CTSG: variants seen among roughly 807,000 people sequenced by gnomAD.
CTSG encodes cathepsin G.
In CTSG, 23 loss-of-function variants were observed where a neutral mutation model predicts 23.0. The ratio of observed to expected loss-of-function variants is 1.00; its 90% CI spans 0.72 to 1.42. The LOEUF (loss-of-function observed/expected upper bound fraction) is 1.42, where lower values mean the gene tolerates loss of function less well. CTSG is among the 40% of genes most tolerant of loss of function. The probability of loss-of-function intolerance (pLI) is 0.00; values close to 1 mark genes in which losing one functional copy is unlikely to be tolerated. For missense variants in CTSG, 312 were observed against 326.2 expected, an observed-to-expected ratio of 0.96 and a Z score of 0.33; for synonymous variants, 140 against 130.4, an observed-to-expected ratio of 1.07 and a Z score of -0.50.
intron 1 of CTSG, 88 bp downstream of exon 1, chr14:24,576,081 C>T: frequency 1.9e-6 from 2 of 1,044,390 alleles, no homozygotes; most frequent in Non-Finnish European, 1.5e-6. Flanking sequence ...ACTTGCTCAA[C>T]AGTACAGAAT....
At chr14:24,575,958 G>A (rs1029618028) in intron 1 of CTSG, among the ~76,000 whole-genome samples, 20 of 152,108 alleles carry the variant, frequency 1.3e-4, no homozygotes, top group African/African-American at 4.8e-4. Context: ...TATAGTGTGC[G>A]GGCAATTCCA....
chr14:24,575,047 T>C, intron 2 of CTSG: 1 of 698,604 alleles, frequency 1.4e-6, no homozygotes, highest in East Asian at 2.7e-5. Flanking sequence ...AGTTTATATT[T>C]TGAGCCCCAA....
At chr14:24,574,883 C>G in intron 2 of CTSG, 73 bp from the exon 3 acceptor site, 1 of 1,596,634 alleles carries the variant, frequency 6.3e-7, no homozygotes, top group Non-Finnish European at 8.5e-7. Flanking sequence ...GCAGACAGCA[C>G]GGGGAGGGCA....
Position 24,574,752 on chromosome 14 carries a change from G to C in CTSG, c.262C>G (p.His88Asp). The C allele has an allele frequency of 6.2e-7, 1 of 1,614,178 alleles. No individual in the cohort carries two copies. The highest frequency in any genetic ancestry group is 2.2e-5 in the East Asian group (1 of 44,862). Residue 88 changes from histidine to aspartate, a missense_variant, in exon 3 of 5, where the codon CAC becomes GAC. By Grantham distance (81) the His-to-Asp change is moderately conservative. Coordinates refer to ENST00000216336, the MANE Select transcript of CTSG (RefSeq NM_001911.3). ...CGGATGGCTCTGCGCGCAGTGATGT[G>C]TTGCTGGGTGTTTTCCCGTCTCTGG... ...NIQRRENTQQ[H>D]ITARRAIRHP... is the part of the protein sequence containing the mutation.
intron 1 of CTSG, 58 bp downstream of exon 1, chr14:24,576,111 T>C (rs1433840211): frequency 1.3e-6 from 2 of 1,494,958 alleles, no homozygotes; most frequent in East Asian, 2.3e-5. Flanking sequence ...CCAAGGCAAT[T>C]TGGCTCAAGA....
chr14:24,574,146 C>T lies in CTSG; in HGVS notation c.594+99G>A. The T allele has an allele frequency of 3.4e-6, 5 of 1,470,362 alleles. No homozygotes were observed. The Admixed American group carries it at 5.7e-5, about 17-fold the overall frequency. The allele number at this position is 1,470,362 out of a possible 1,614,324, so 91.1% of individuals were successfully genotyped here. A position where few individuals can be genotyped will look rare whatever the true frequency, so the allele number is the denominator to read the frequency against. On this transcript the variant is annotated intron_variant, in intron 4 of 4. Transcript: ENST00000216336. ...CAATCCCCAGCCCACCCTGGTCTGG[C>T]TGCCAGGCTGAGGCTGTGGGGATGG...
Position 24,576,175 on chromosome 14 carries a change from C to T in CTSG, c.49G>A (p.Glu17Lys), listed in dbSNP as rs750692624. ...LLAFLLPTGA[E>K]AGEIIGGRES... ...GGTGGGGATGGTCACTCACCTGCCT[C>T]AGCCCCAGTGGGTAGGAGAAAGGCC... The change falls in exon 1 of 5, where the codon GAG (glutamate) becomes AAG (lysine). Residue 17 changes from glutamate (E) to lysine (K), a missense_variant. By Grantham distance (56) the Glu-to-Lys change is moderately conservative. Coordinates refer to ENST00000216336, the MANE Select transcript of CTSG (RefSeq NM_001911.3). The T allele has an allele frequency of 2.5e-6, 4 of 1,610,156 alleles. No homozygotes were observed. The highest frequency in any genetic ancestry group is 1.1e-5 in the South Asian group (1 of 89,724).
Position 24,575,312 on chromosome 14 carries a change from G to A in CTSG, c.156C>T (p.Phe52=). 6.2e-7 allele frequency: 1 copy of A among 1,614,154 alleles called. No homozygotes were observed. The highest frequency in any genetic ancestry group is 1.6e-4 in the Middle Eastern group (1 of 6,062). The part of the protein sequence containing the change: ...SPAGQSRCGG[F]LVREDFVLTA... ...TCAGCACAAAGTCTTCTCGCACCAG[G>A]AACCCTCCACATCTGCTCTGACCTG... The change falls in exon 2 of 5, where the codon TTC becomes TTT. Residue 52 remains phenylalanine, a synonymous_variant. Transcript: ENST00000216336.
rs1231030055 is a variant in CTSG, at chr14:24,574,411, G to A, written c.428C>T (p.Thr143Ile). 3.1e-6 allele frequency: 5 copies of A among 1,613,170 alleles called. No homozygotes were observed. The highest frequency in any genetic ancestry group is 4.2e-6 in the Non-Finnish European group (5 of 1,180,040). Residue 143 changes from threonine to isoleucine, a missense_variant, in exon 4 of 5, where the codon ACT becomes ATT. Transcript: ENST00000216336. The stretch of plus-strand genomic sequence containing the variant: ...GCTGACCCTGCCCCAGCCGGCCACA[G>A]TGCACAGCGTCCCGGGTCTCAGTCC... ...QEGLRPGTLC[T>I]VAGWGRVSMR... is the part of the protein sequence containing the mutation.
rs199634129 is a variant in CTSG, at chr14:24,575,410, C to T, written c.58G>A (p.Glu20Lys). Residue 20 changes from glutamate to lysine, a missense_variant and splice_region_variant, in exon 2 of 5, where the codon GAG (glutamate) becomes AAG (lysine). By Grantham distance (56) the Glu-to-Lys change is moderately conservative (BLOSUM62 1). Coordinates refer to ENST00000216336, the MANE Select transcript of CTSG (RefSeq NM_001911.3). ...CTGCTCTCCCGGCCTCCGATGATCT[C>T]CCCTGGAAGGAAGCATTTGGCACTT... ...FLLPTGAEAGEIIGGRESRPH... is the reference protein window; with the variant it reads ...FLLPTGAEAGKIIGGRESRPH... 241 of 1,614,116 alleles carry T rather than the reference C, an allele frequency of 1.5e-4. No homozygotes were observed. The highest frequency in any genetic ancestry group is 1.9e-4 in the Non-Finnish European group (222 of 1,180,032).
chr14:24,576,103 A>G, intron 1 of CTSG, 66 bp downstream of exon 1: 1 of 1,412,010 alleles, frequency 7.1e-7, no homozygotes, highest in Non-Finnish European at 9.9e-7. Flanking sequence ...AGGATATACC[A>G]AGGCAATTTG....
chr14:24,573,979 C>T (rs997211694), intron 4 of CTSG, among the ~76,000 whole-genome samples, 169 bp from the exon 5 acceptor site: 1 of 152,076 alleles, frequency 6.6e-6, no homozygotes, highest in African/African-American at 2.4e-5. Flanking sequence ...TCTTTTCGGT[C>T]GCTGGACTTC....
chr14:24,573,875 G>A (rs1291067713), intron 4 of CTSG, 65 bp from the exon 5 acceptor site: 1 of 1,483,512 alleles, frequency 6.7e-7, no homozygotes, highest in Non-Finnish European at 9.2e-7. Context: ...CTGAGCTCCG[G>A]GCTCTCAGGG....
rs1374753377 is a variant in CTSG at position 24,575,219 on chromosome 14, G to T, written c.203+46C>A. On this transcript the variant is annotated intron_variant, in intron 2 of 4. Coordinates refer to ENST00000216336, the MANE Select transcript of CTSG (RefSeq NM_001911.3). Reference sequence around the variant, plus strand: ...GATGGCTCTTCCACCGAAGAGCTCCGCAGGGCTGTGTTCCTGGCTGGCCAG... The same window carrying T: ...GATGGCTCTTCCACCGAAGAGCTCCTCAGGGCTGTGTTCCTGGCTGGCCAG... 13 of 1,611,018 alleles carry T rather than the reference G, an allele frequency of 8.1e-6. No individual in the cohort carries two copies. In the South Asian group the frequency reaches 1.3e-4, roughly 16 times the overall value.
Position 24,574,532 on chromosome 14 carries a change from T to A in CTSG, c.340-33A>T, listed in dbSNP as rs775398186. On this transcript the variant is annotated intron_variant, in intron 3 of 4. Transcript: ENST00000216336. ...AAGAATGTAGGCGTTCCCGCTCAGC[T>A]GGGGCCTCCAGCCAAGGCTCGGGGG... 3.1e-6 allele frequency: 5 copies of A among 1,612,568 alleles called. No homozygotes were observed. The Admixed American group carries it at 8.3e-5, about 27-fold the overall frequency.
intron 4 of CTSG, 138 bp downstream of exon 4, chr14:24,574,107 G>T: frequency 9.0e-7 from 1 of 1,115,206 alleles, no homozygotes; most frequent in Non-Finnish European, 1.3e-6. Context: ...CAGAGACCAG[G>T]TTGATGGGGA....
At chr14:24,575,227 G>C (rs2066735822) in intron 2 of CTSG, 38 bp downstream of exon 2, 1 of 1,613,054 alleles carries the variant, frequency 6.2e-7, no homozygotes. Context: ...CCGCAGGGCT[G>C]TGTTCCTGGC....
intron 4 of CTSG, 131 bp downstream of exon 4, chr14:24,574,114 G>T: frequency 8.4e-7 from 1 of 1,189,922 alleles, no homozygotes; most frequent in Non-Finnish European, 1.2e-6. Context: ...CAGGTTGATG[G>T]GGAAAACAAT....
intron 3 of CTSG, 26 bp downstream of exon 3, chr14:24,574,649 G>T: frequency 6.2e-7 from 1 of 1,614,178 alleles, no homozygotes; most frequent in Non-Finnish European, 8.5e-7. Flanking sequence ...CACTAGGAAG[G>T]AGCCAGAGGG....
Sources: gnomAD v4.1 joint callset for allele counts (sites outside exome capture counted in the v4.1 genomes callset) on GRCh38, gnomAD v4.1.1 for gene constraint, MANE v1.5 for transcripts, NCBI Gene and HGNC (gene_info 2026-07-23, HGNC 2026-07-21) for gene names.